The following CAMTA1 variants were observed in gnomAD, a reference collection of about 807,000 sequenced individuals.
CAMTA1 encodes calmodulin binding transcription activator 1, also known as calmodulin-binding transcription activator 1.
Under a neutral mutation model 170.9 loss-of-function variants are expected in CAMTA1, and 27 were observed. The ratio of observed to expected loss-of-function variants is 0.16; its 90% confidence interval spans 0.12 to 0.22. The LOEUF is 0.22. Ranked by LOEUF, CAMTA1 falls within the 10% of genes least tolerant of loss-of-function variation. The pLI is 1.00. For missense variants in CAMTA1, 1,619 were observed against 2,217.2 expected (o/e 0.73, Z 5.42); for synonymous variants, 833 against 891.5 (o/e 0.93, Z 1.17).
At chr1:7,177,998 C>G (rs1651311458) in intron 4 of CAMTA1, among the ~76,000 whole-genome samples, 1 of 152,094 alleles carries the variant, frequency 6.6e-6, no homozygotes, top group South Asian at 2.1e-4. Context: ...GAGGCTCCTC[C>G]TACACACTGA....
At chr1:6,804,441 C>T (rs920313392) in intron 1 of CAMTA1, among the ~76,000 whole-genome samples, 1 of 152,138 alleles carries the variant, frequency 6.6e-6, no homozygotes, top group Non-Finnish European at 1.5e-5. Context: ...TGTCCCCACT[C>T]TCTAATTCCA....
intron 5 of CAMTA1, among the ~76,000 whole-genome samples, chr1:7,418,941 A>G (rs1160877245): frequency 6.6e-6 from 1 of 151,494 alleles, no homozygotes; most frequent in East Asian, 1.9e-4. Flanking sequence ...AGCCAGAGGG[A>G]TCTTCAGACA....
chr1:7,484,879 G>C (rs2093596928), intron 6 of CAMTA1, among the ~76,000 whole-genome samples: 1 of 152,112 alleles, frequency 6.6e-6, no homozygotes, highest in South Asian at 2.1e-4. Context: ...GTGCTGAGCT[G>C]GGCCCACAAA....
intron 5 of CAMTA1, among the ~76,000 whole-genome samples, chr1:7,321,340 G>A (rs1348784768): frequency 6.6e-6 from 1 of 152,102 alleles, no homozygotes; most frequent in Non-Finnish European, 1.5e-5. Flanking sequence ...TACCGTTTTG[G>A]GGTCCTATTG....
intron 4 of CAMTA1, among the ~76,000 whole-genome samples, chr1:7,139,020 AT>A (rs1358789626): frequency 1.4e-5 from 2 of 144,664 alleles, no homozygotes; most frequent in African/African-American, 5.0e-5. Flanking sequence ...TATATATATA[AT>A]TTTATATAAA....
chr1:7,228,681 G>A (rs938419557), intron 4 of CAMTA1, among the ~76,000 whole-genome samples: 5 of 152,210 alleles, frequency 3.3e-5, no homozygotes, highest in African/African-American at 9.6e-5. Context: ...CGGGGATGGC[G>A]TTGCGGCACA....
At position 7,745,868 on chromosome 1, in the gene CAMTA1, C is replaced by G. The variant is rs2096853795; in HGVS notation, c.4394C>G (p.Thr1465Ser). ...QIRSAYNEPLTPSSNTSLSPV... is the reference protein window; with the variant it reads ...QIRSAYNEPLSPSSNTSLSPV... ...AGAAGTGCATATAACGAGCCTCTAA[C>G]CCCTTCTTCTAATACCAGCTTGAGC... Residue 1465 changes from threonine to serine, a missense_variant, in exon 18 of 23, where the codon ACC (threonine) becomes AGC (serine). By Grantham distance (58) the Thr-to-Ser change is moderately conservative. This residue lies in a region of CAMTA1 where 370 missense variants were observed against 429.4 expected (regional missense o/e 0.86). Transcript: ENST00000303635. 1 of 1,614,196 alleles carries G rather than the reference C, an allele frequency of 6.2e-7. No individual in the cohort carries two copies.
chr1:7,538,567 T>C (rs2094574434), intron 6 of CAMTA1, among the ~76,000 whole-genome samples: 1 of 152,214 alleles, frequency 6.6e-6, no homozygotes, highest in African/African-American at 2.4e-5. Context: ...AGGAAAATTC[T>C]TGGGCTCAGG....
In CAMTA1 at chr1:7,680,912, C is replaced by T. The variant is rs1325121430; in HGVS notation, c.2914+3179C>T. On this transcript the variant is annotated intron_variant, in intron 11 of 22. Coordinates refer to ENST00000303635, the MANE Select transcript of CAMTA1 (RefSeq NM_015215.4). This position sits in a 1 kb window ranked among gnomAD's most constrained non-coding sequence, Gnocchi z 4.4. Reference sequence around the variant, plus strand: ...TGCGGCGAAGTCTTTGTCCCCGCGGCGCAGCCTTTGTCCCCGCGGCGTAGC... The same window carrying T: ...TGCGGCGAAGTCTTTGTCCCCGCGGTGCAGCCTTTGTCCCCGCGGCGTAGC... Among the ~76,000 whole-genome samples, 5 of 140,898 alleles carry T rather than the reference C, an allele frequency of 3.5e-5. No individual in the cohort carries two copies. Among genetic ancestry groups the T allele is most frequent in the Non-Finnish European group, 6.5e-5 (4 of 61,962 alleles). 92.4% of individuals were successfully genotyped at this position (140,898 alleles called of 152,430 possible).
chr1:6,921,319 C>T (rs1000404011), intron 3 of CAMTA1, among the ~76,000 whole-genome samples: 4 of 152,344 alleles, frequency 2.6e-5, no homozygotes, highest in Admixed American at 6.5e-5. Flanking sequence ...ATTCCAATTC[C>T]CAACAAGTTT....
intron 1 of CAMTA1, among the ~76,000 whole-genome samples, chr1:6,811,099 G>A (rs936108334): frequency 2.3e-4 from 35 of 152,280 alleles, no homozygotes; most frequent in African/African-American, 7.9e-4. Context: ...TGAACATTCT[G>A]TGTTACAGTT....
chr1:7,498,779 GTGTA>G lies in CAMTA1; in HGVS notation c.510+30886_510+30889del, dbSNP rs1209525520. ...AGGATTGTGTGAGCCTGGTGTGCAT[GTGTA>G]TGTATGTGTGTGCATGTGTGTACAT... On this transcript the variant is annotated intron_variant, in intron 6 of 22. Transcript: ENST00000303635. 5.6e-5 allele frequency among the ~76,000 whole-genome samples: 8 copies of G among 142,606 alleles called. No homozygotes were observed. In the South Asian group the frequency reaches 1.5e-3, roughly 26 times the overall value. 93.6% of individuals were successfully genotyped at this position (142,606 alleles called of 152,430 possible). A position where few individuals can be genotyped will look rare whatever the true frequency, so the allele number is the denominator to read the frequency against.
intron 3 of CAMTA1, among the ~76,000 whole-genome samples, chr1:6,890,715 TG>T (rs375154667): frequency 6.6e-6 from 1 of 152,156 alleles, no homozygotes; most frequent in African/African-American, 2.4e-5. Context: ...GGACCACAGG[TG>T]GGGGCCACCA....
At position 7,561,555 on chromosome 1, in the gene CAMTA1, C is replaced by T. The variant is rs1319768704; in HGVS notation, c.511-78845C>T. 2.0e-5 allele frequency among the ~76,000 whole-genome samples: 3 copies of T among 151,822 alleles called. No individual in the cohort carries two copies. Among genetic ancestry groups the T allele is most frequent in the African/African-American group, 7.3e-5 (3 of 41,332 alleles). The stretch of plus-strand genomic sequence containing the variant: ...CTCTTGCCTGTAAACTCGTTGCAGG[C>T]GCAGGGATGGGCTGGTTCAGGGAGG... On this transcript the variant is annotated intron_variant, in intron 6 of 22. Transcript: ENST00000303635. This position sits in a 1 kb window ranked among gnomAD's most constrained non-coding sequence, Gnocchi z 5.3.
intron 21 of CAMTA1, among the ~76,000 whole-genome samples, chr1:7,754,167 A>G (rs1359542701): frequency 6.6e-6 from 1 of 152,246 alleles, no homozygotes; most frequent in East Asian, 1.9e-4. Context: ...GATCCTATCC[A>G]GCACTGAAAC....
rs148503236 is a variant in CAMTA1 at position 7,680,813 on chromosome 1, G to GC, written c.2914+3080_2914+3081insC. On this transcript the variant is annotated intron_variant, in intron 11 of 22. Coordinates refer to ENST00000303635, the MANE Select transcript of CAMTA1 (RefSeq NM_015215.4). This position sits in a 1 kb window ranked among gnomAD's most constrained non-coding sequence, Gnocchi z 4.4. The stretch of plus-strand genomic sequence containing the variant: ...TTTGTTTGCTTGGCTAAAGGCCGGG[G>GC]GGGGGCGTGGGTCCGGGGCGCAGAG... Among the ~76,000 whole-genome samples, 2 of 147,508 alleles carry GC rather than the reference G, an allele frequency of 1.4e-5. No individual in the cohort carries two copies. The highest frequency in any genetic ancestry group is 3.0e-5 in the Non-Finnish European group (2 of 66,072).
chr1:6,890,068 T>C (rs1001198557), intron 3 of CAMTA1, among the ~76,000 whole-genome samples: 8 of 152,202 alleles, frequency 5.3e-5, no homozygotes, highest in Non-Finnish European at 1.2e-4. Flanking sequence ...GTTAGTGCCC[T>C]CTGGTGGCAC....
intron 5 of CAMTA1, among the ~76,000 whole-genome samples, chr1:7,381,519 G>T (rs1426653343): frequency 1.7e-4 from 26 of 151,748 alleles, no homozygotes; most frequent in African/African-American, 6.3e-4. Flanking sequence ...ATTCCATGGG[G>T]TATATGTGCC....
intron 5 of CAMTA1, among the ~76,000 whole-genome samples, chr1:7,276,303 A>ATATTTTTTTTT: frequency 4.5e-4 from 11 of 24,228 alleles, no homozygotes; most frequent in African/African-American, 8.9e-4. Context: ...ATATATATAT[A>ATATTTTTTTTT]TTTTTTTTTT....
Sources: gnomAD v4.1 joint callset for allele counts (sites outside exome capture counted in the v4.1 genomes callset) on GRCh38, gnomAD v4.1.1 for gene constraint, gnomAD v4.1.1 regional missense constraint, Gnocchi (gnomAD v3.1) non-coding constraint, MANE v1.5 for transcripts, NCBI Gene and HGNC (gene_info 2026-07-23, HGNC 2026-07-21) for gene names.